Variants in TCEA1 observed in about 807,000 individuals in gnomAD.
TCEA1 encodes the protein transcription elongation factor A protein 1.
A neutral mutation model predicts 43.8 loss-of-function variants in TCEA1; 21 were observed. The ratio of observed to expected loss-of-function variants is 0.48; its 90% confidence interval spans 0.34 to 0.69. The LOEUF (loss-of-function observed/expected upper bound fraction) is 0.69. Ranked by LOEUF, TCEA1 falls within the 30% of genes least tolerant of loss-of-function variation. The pLI is 0.01. For synonymous variants in TCEA1, 104 were observed against 117.5 expected (o/e 0.88, Z 0.75); for missense variants, 250 against 365.1 (o/e 0.68, Z 2.57).
chr8:53,979,898 C>G (rs1480460383), intron 7 of TCEA1, among the ~76,000 whole-genome samples: 2 of 152,128 alleles, frequency 1.3e-5, no homozygotes, highest in Admixed American at 1.3e-4. Context: ...ATGATTGCAT[C>G]CCCAATCAAT....
At chr8:54,009,525 C>T (rs1048234102) in intron 2 of TCEA1, among the ~76,000 whole-genome samples, 15 of 152,112 alleles carry the variant, frequency 9.9e-5, no homozygotes, top group African/African-American at 3.6e-4. Flanking sequence ...TGCAGAAACA[C>T]GGATGGAACT....
At position 53,993,803 on chromosome 8, in the gene TCEA1, A is replaced by C. The variant is rs1229507219; in HGVS notation, c.233-48T>G. Reference sequence around the variant, plus strand: ...AGTTGCTAGCATTTGTAAAAACTAAAAACTAAAATACTGCGTTAACAGGCT... The same window carrying C: ...AGTTGCTAGCATTTGTAAAAACTAACAACTAAAATACTGCGTTAACAGGCT... On this transcript the variant is annotated intron_variant, in intron 3 of 9. Coordinates refer to ENST00000521604, the MANE Select transcript of TCEA1 (RefSeq NM_006756.4). The C allele has an allele frequency of 2.0e-6, 3 of 1,471,872 alleles. No homozygotes were observed. In the Admixed American group the frequency reaches 5.4e-5, roughly 27 times the overall value. 91.2% of individuals were successfully genotyped at this position (1,471,872 alleles called of 1,614,324 possible). A position where few individuals can be genotyped will look rare whatever the true frequency, so the allele number is the denominator to read the frequency against.
chr8:53,972,339 G>A, intron 8 of TCEA1: 1 of 485,402 alleles, frequency 2.1e-6, no homozygotes, highest in Non-Finnish European at 4.0e-6. Flanking sequence ...TGAGGATGAT[G>A]ATGCAAGTGA....
chr8:53,993,832 T>C, intron 3 of TCEA1, 77 bp from the exon 4 acceptor site: 4 of 1,131,996 alleles, frequency 3.5e-6, no homozygotes, highest in Non-Finnish European at 3.9e-6. Flanking sequence ...ACAGGCTATT[T>C]GCACAACATG....
Position 53,968,012 on chromosome 8 carries a change from A to T in TCEA1, c.*92T>A. ...TAACCCAAGTTGCTTTAAAAATTTG[A>T]TTTGCAGGAAAACTAGTTGCTTGGC... On this transcript the variant is annotated 3_prime_UTR_variant, in exon 10 of 10. Coordinates refer to ENST00000521604, the MANE Select transcript of TCEA1 (RefSeq NM_006756.4). The T allele has an allele frequency of 8.2e-7, 1 of 1,213,406 alleles. No homozygotes were observed. Among genetic ancestry groups the T allele is most frequent in the Non-Finnish European group, 1.1e-6 (1 of 871,378 alleles). The allele number at this position is 1,213,406 out of a possible 1,614,324, so 75.2% of individuals were successfully genotyped here. A position where few individuals can be genotyped will look rare whatever the true frequency, so the allele number is the denominator to read the frequency against.
At chr8:53,996,181 C>A (rs1214623318) in intron 3 of TCEA1, among the ~76,000 whole-genome samples, 12 of 152,226 alleles carry the variant, frequency 7.9e-5, no homozygotes, top group Admixed American at 7.9e-4. Flanking sequence ...TGAATTAGTA[C>A]AATCCTTTTA....
chr8:54,010,783 C>T (rs1002124205), intron 1 of TCEA1, among the ~76,000 whole-genome samples: 1 of 151,778 alleles, frequency 6.6e-6, no homozygotes, highest in African/African-American at 2.4e-5. Flanking sequence ...AAAGAAAAAA[C>T]GATTAAGCTA....
At chr8:54,003,118 T>C (rs1244115430) in intron 2 of TCEA1, 1 of 455,986 alleles carries the variant, frequency 2.2e-6, no homozygotes, top group South Asian at 1.5e-5. Flanking sequence ...ATATAGCTAC[T>C]GTACAGCTAC....
At chr8:53,973,766 G>T in intron 8 of TCEA1, 1 of 487,632 alleles carries the variant, frequency 2.1e-6, no homozygotes, top group East Asian at 5.1e-5. Context: ...CTTCCCACTT[G>T]TTCAATGTGC....
chr8:53,986,974 T>C lies in TCEA1; in HGVS notation c.518A>G (p.Glu173Gly). 1 of 1,593,944 alleles carries C rather than the reference T, an allele frequency of 6.3e-7. No homozygotes were observed. The highest frequency in any genetic ancestry group is 8.5e-7 in the Non-Finnish European group (1 of 1,170,686). The change falls in exon 6 of 10, where the codon GAA becomes GGA. Residue 173 changes from glutamate (E) to glycine (G), a missense_variant. This residue lies in a region of TCEA1 where 147 missense variants were observed against 160.3 expected (regional missense o/e 0.92). Coordinates refer to ENST00000521604, the MANE Select transcript of TCEA1 (RefSeq NM_006756.4). ...ADEEELGSQI[E>G]EAIYQEIRNT... ...AATATACACACAAAGGATATCTTCTTCAATTTGAGATCCTAATTCTTCCTC... is the reference window on the plus strand; with the variant it reads ...AATATACACACAAAGGATATCTTCTCCAATTTGAGATCCTAATTCTTCCTC...
chr8:53,996,783 TA>T (rs1054169508), intron 3 of TCEA1, among the ~76,000 whole-genome samples: 10 of 114,656 alleles, frequency 8.7e-5, no homozygotes, highest in East Asian at 5.8e-4. Flanking sequence ...AAAATTATAG[TA>T]GGGGTAAAAT....
At chr8:53,983,604 G>A (rs1006626889) in intron 7 of TCEA1, among the ~76,000 whole-genome samples, 4 of 152,014 alleles carry the variant, frequency 2.6e-5, no homozygotes, top group African/African-American at 9.7e-5. Flanking sequence ...GGAGGCAGAG[G>A]TTGCAGTGAG....
intron 7 of TCEA1, among the ~76,000 whole-genome samples, chr8:53,981,555 T>TTA (rs1803501675): frequency 1.3e-5 from 2 of 152,196 alleles, no homozygotes; most frequent in South Asian, 4.1e-4. Context: ...ACTGAATATT[T>TTA]TAACCCCACT....
chr8:53,975,634 T>G (rs1026556458), intron 8 of TCEA1, among the ~76,000 whole-genome samples: 1 of 152,198 alleles, frequency 6.6e-6, no homozygotes, highest in Non-Finnish European at 1.5e-5. Context: ...AATAGGCCAG[T>G]CACAATAAGA....
chr8:54,021,819 G>T lies in TCEA1; in HGVS notation c.63+244C>A, dbSNP rs569307171. Reference sequence around the variant, plus strand: ...GTGCCCTAATCCCTAAATCGATTAGGTTTATTACACGGCACCAGCGAGCAG... The same window carrying T: ...GTGCCCTAATCCCTAAATCGATTAGTTTTATTACACGGCACCAGCGAGCAG... On this transcript the variant is annotated intron_variant, in intron 1 of 9. Coordinates refer to ENST00000521604, the MANE Select transcript of TCEA1 (RefSeq NM_006756.4). The T allele has an allele frequency of 2.6e-5, 10 of 378,854 alleles. No individual in the cohort carries two copies. In the Admixed American group the frequency reaches 3.8e-4, roughly 14 times the overall value. The allele number at this position is 378,854 out of a possible 1,614,324, so 23.5% of individuals were successfully genotyped here. A position where few individuals can be genotyped will look rare whatever the true frequency, so the allele number is the denominator to read the frequency against.
chr8:54,018,389 C>CA (rs1804908230), intron 1 of TCEA1, among the ~76,000 whole-genome samples: 2 of 152,186 alleles, frequency 1.3e-5, no homozygotes, highest in Admixed American at 6.5e-5. Flanking sequence ...AAGGCAACCT[C>CA]AGATTGTTTT....
At chr8:53,991,041 G>C (rs1803859226) in intron 4 of TCEA1, among the ~76,000 whole-genome samples, 1 of 152,084 alleles carries the variant, frequency 6.6e-6, no homozygotes, top group Admixed American at 6.6e-5. Context: ...TTCACATACA[G>C]TAATTTTCTT....
intron 2 of TCEA1, among the ~76,000 whole-genome samples, chr8:54,007,924 G>A (rs1381649260): frequency 6.6e-6 from 1 of 152,116 alleles, no homozygotes; most frequent in Non-Finnish European, 1.5e-5. Context: ...ACTCATGCCT[G>A]TAATCCCAGC....
chr8:54,018,209 C>T (rs908729386), intron 1 of TCEA1, among the ~76,000 whole-genome samples: 12 of 152,132 alleles, frequency 7.9e-5, no homozygotes, highest in African/African-American at 2.9e-4. Context: ...GAAATTCTAA[C>T]ATCTAATTTC....
Sources: gnomAD v4.1 joint callset for allele counts (sites outside exome capture counted in the v4.1 genomes callset) on GRCh38, gnomAD v4.1.1 for gene constraint, gnomAD v4.1.1 regional missense constraint, MANE v1.5 for transcripts, NCBI Gene and HGNC (gene_info 2026-07-23, HGNC 2026-07-21) for gene names.